The following UBE2E2 variants were observed in gnomAD, a reference collection of about 807,000 sequenced individuals.
UBE2E2 encodes ubiquitin-conjugating enzyme E2 E2.
UBE2E2 carries 6 observed loss-of-function variants against 24.7 expected under a neutral mutation model. That is an observed-to-expected ratio of 0.24 (90% confidence interval 0.13 to 0.48). The LOEUF (loss-of-function observed/expected upper bound fraction) is 0.48. Ranked by LOEUF, UBE2E2 falls within the 20% of genes least tolerant of loss-of-function variation. The pLI, the probability that UBE2E2 is intolerant of heterozygous loss-of-function variation, is 0.99. For synonymous variants in UBE2E2, 104 were observed against 83.6 expected (o/e 1.24, Z -1.33); for missense variants, 169 against 245.0 (o/e 0.69, Z 2.07).
At chr3:23,360,580 G>A (rs180896026) in intron 3 of UBE2E2, among the ~76,000 whole-genome samples, 2 of 152,196 alleles carry the variant, frequency 1.3e-5, no homozygotes, top group East Asian at 3.9e-4. Flanking sequence ...ATGGTATGCG[G>A]GGGACCTATC....
In UBE2E2 at chr3:23,407,551, C is replaced by G. The variant is rs1260968414; in HGVS notation, c.228-92057C>G. ...TCACTACCGTCAACATTTGCTACAT[C>G]CTTTATCTCCTCTGCGCCCCTCCCT... On this transcript the variant is annotated intron_variant, in intron 3 of 5. Transcript: ENST00000396703. This position sits in a 1 kb window ranked among gnomAD's most constrained non-coding sequence, Gnocchi z 4.0. 6.7e-6 allele frequency among the ~76,000 whole-genome samples: 1 copy of G among 149,964 alleles called. No homozygotes were observed. Among genetic ancestry groups the G allele is most frequent in the Non-Finnish European group, 1.5e-5 (1 of 67,770 alleles).
chr3:23,216,365 T>G (rs1696475587), intron 2 of UBE2E2, among the ~76,000 whole-genome samples: 1 of 152,152 alleles, frequency 6.6e-6, no homozygotes, highest in Admixed American at 6.6e-5. Context: ...AAATTCTTGT[T>G]TTGGTTTTTA....
At chr3:23,383,019 A>AC (rs1229279356) in intron 3 of UBE2E2, among the ~76,000 whole-genome samples, 2 of 152,230 alleles carry the variant, frequency 1.3e-5, no homozygotes, top group Non-Finnish European at 2.9e-5. Flanking sequence ...AACACTTTTA[A>AC]TAAGAGTAAC....
intron 3 of UBE2E2, among the ~76,000 whole-genome samples, chr3:23,421,389 G>A (rs1026468534): frequency 2.0e-5 from 3 of 152,104 alleles, no homozygotes; most frequent in Non-Finnish European, 4.4e-5. Flanking sequence ...AGAAAATGTG[G>A]TGTATGTATG....
At chr3:23,467,855 A>G (rs1698956893) in intron 3 of UBE2E2, among the ~76,000 whole-genome samples, 2 of 152,134 alleles carry the variant, frequency 1.3e-5, no homozygotes, top group Admixed American at 1.3e-4. Flanking sequence ...GCAGAAGGTG[A>G]AGGGGAAGGA....
chr3:23,208,041 A>AT (rs1017914918), intron 1 of UBE2E2, among the ~76,000 whole-genome samples: 30 of 149,650 alleles, frequency 2.0e-4, no homozygotes, highest in South Asian at 6.4e-4. Context: ...TTTTTTATTA[A>AT]TTTTTTTTTT....
intron 3 of UBE2E2, among the ~76,000 whole-genome samples, chr3:23,478,349 A>G (rs1699183097): frequency 6.6e-6 from 1 of 152,242 alleles, no homozygotes; most frequent in African/African-American, 2.4e-5. Context: ...CAGGTTTTAC[A>G]AAGTGGCTAA....
At chr3:23,555,646 G>A (rs1047770886) in intron 5 of UBE2E2, among the ~76,000 whole-genome samples, 12 of 152,082 alleles carry the variant, frequency 7.9e-5, no homozygotes, top group Non-Finnish European at 1.5e-4. Flanking sequence ...ATAAACTGTG[G>A]TGTATACATA....
chr3:23,430,371 C>T (rs1698030981), intron 3 of UBE2E2, among the ~76,000 whole-genome samples: 1 of 152,078 alleles, frequency 6.6e-6, no homozygotes, highest in African/African-American at 2.4e-5. Context: ...CCTTGTTCCT[C>T]ATGTGTCAGG....
intron 4 of UBE2E2, among the ~76,000 whole-genome samples, chr3:23,505,379 G>T (rs1446122384): frequency 6.6e-6 from 1 of 152,104 alleles, no homozygotes; most frequent in Non-Finnish European, 1.5e-5. Context: ...AAAAATAAGT[G>T]TAAATAGATT....
At chr3:23,320,782 G>A (rs574356934) in intron 3 of UBE2E2, among the ~76,000 whole-genome samples, 14 of 152,112 alleles carry the variant, frequency 9.2e-5, no homozygotes, top group Non-Finnish European at 1.9e-4. Context: ...ATCCACCCCG[G>A]CATCCCCCAT....
rs201152923 is a variant in UBE2E2, at chr3:23,490,877, A to AT, written c.228-8724dup. ...TATTTGGTGAAAGATAGCCAAAATCATTTTTTTCATCTTTACATCTCAAAT... is the reference window on the plus strand; with the variant it reads ...TATTTGGTGAAAGATAGCCAAAATCATTTTTTTTCATCTTTACATCTCAAAT... On this transcript the variant is annotated intron_variant, in intron 3 of 5. Transcript: ENST00000396703. Among the ~76,000 whole-genome samples the AT allele has an allele frequency of 3.9e-3, 593 of 152,294 alleles. 5 individuals carry two copies. The highest frequency in any genetic ancestry group is 0.012 in the African/African-American group (517 of 41,568).
intron 3 of UBE2E2, among the ~76,000 whole-genome samples, chr3:23,397,390 CACTT>C (rs150554069): frequency 0.14 from 20,686 of 152,026 alleles, 1,468 homozygotes; most frequent in Middle Eastern, 0.2. Context: ...TGAACAATAA[CACTT>C]AGAAAAATGG....
intron 3 of UBE2E2, among the ~76,000 whole-genome samples, chr3:23,311,930 A>G (rs992804136): frequency 8.5e-5 from 13 of 152,086 alleles, no homozygotes; most frequent in African/African-American, 3.1e-4. Context: ...CTCATGTTGA[A>G]TTGTAATCGC....
At chr3:23,470,821 TA>T (rs35161626) in intron 3 of UBE2E2, among the ~76,000 whole-genome samples, 95,415 of 150,200 alleles carry the variant, frequency 0.64, 32,131 homozygotes, top group African/African-American at 0.87. Flanking sequence ...AAAATATATA[TA>T]TTTTTTTTTG....
intron 3 of UBE2E2, among the ~76,000 whole-genome samples, chr3:23,367,766 G>C (rs2125337405): frequency 6.6e-6 from 1 of 152,242 alleles, no homozygotes; most frequent in Admixed American, 6.5e-5. Flanking sequence ...GTTGTGCAAA[G>C]GCGGAGGGGT....
chr3:23,445,228 G>C (rs1435634449), intron 3 of UBE2E2, among the ~76,000 whole-genome samples: 1 of 152,120 alleles, frequency 6.6e-6, no homozygotes, highest in Non-Finnish European at 1.5e-5. Context: ...ATAGAATAAA[G>C]TATCCTATTC....
intron 5 of UBE2E2, among the ~76,000 whole-genome samples, chr3:23,554,137 T>C (rs1201954722): frequency 6.6e-6 from 1 of 152,176 alleles, no homozygotes; most frequent in South Asian, 2.1e-4. Context: ...ATTTTAAATT[T>C]TATTTCAAAG....
Position 23,441,044 on chromosome 3 carries a change from G to A in UBE2E2, c.228-58564G>A, listed in dbSNP as rs576477180. On this transcript the variant is annotated intron_variant, in intron 3 of 5. Coordinates refer to ENST00000396703, the MANE Select transcript of UBE2E2 (RefSeq NM_152653.4). ...TAGAATTCTAAAGAGAGAATGGGCT[G>A]TTTGGATACTGAGCTCCAGTACAAA... Among the ~76,000 whole-genome samples the A allele has an allele frequency of 4.5e-4, 68 of 152,292 alleles. 1 individual carries two copies. Among genetic ancestry groups the A allele is most frequent in the African/African-American group, 1.6e-3 (66 of 41,562 alleles).
Sources: allele counts gnomAD v4.1 joint callset (sites outside exome capture counted in the v4.1 genomes callset), GRCh38; gene constraint gnomAD v4.1.1; non-coding constraint Gnocchi (gnomAD v3.1); transcripts MANE v1.5; gene names NCBI Gene and HGNC (gene_info 2026-07-23, HGNC 2026-07-21).